GRIA4: variants seen among roughly 807,000 people sequenced by gnomAD.
GRIA4 encodes the protein glutamate ionotropic receptor AMPA type subunit 4, also known as glutamate receptor 4.
In GRIA4, 34 loss-of-function variants were observed where a neutral mutation model predicts 104.0. The ratio of observed to expected loss-of-function variants is 0.33; its 90% CI spans 0.25 to 0.44. GRIA4 has a LOEUF of 0.44. GRIA4 is among the 20% of genes least tolerant of loss of function. The pLI is 1.00. For synonymous variants in GRIA4, 386 were observed against 381.9 expected, an observed-to-expected ratio of 1.01 and a Z score of -0.13; for missense variants, 750 against 1,096.5, an observed-to-expected ratio of 0.68 and a Z score of 4.46.
intron 4 of GRIA4, among the ~76,000 whole-genome samples, chr11:105,845,292 C>G (rs1351304002): frequency 6.6e-6 from 1 of 152,094 alleles, no homozygotes; most frequent in Non-Finnish European, 1.5e-5. Context: ...CTTGGGCTTC[C>G]TTACATCATG....
intron 3 of GRIA4, among the ~76,000 whole-genome samples, chr11:105,717,289 T>A (rs1331208478): frequency 6.6e-6 from 1 of 152,074 alleles, no homozygotes; most frequent in African/African-American, 2.4e-5. Context: ...TCTGTGACTA[T>A]AAATATACCA....
chr11:105,925,866 C>T (rs1464283645), intron 12 of GRIA4, among the ~76,000 whole-genome samples: 1 of 151,992 alleles, frequency 6.6e-6, no homozygotes, highest in African/African-American at 2.4e-5. Flanking sequence ...AAATGTTTTA[C>T]AACAATTTGC....
rs1565341966 is a variant in GRIA4 at position 105,918,935 on chromosome 11, A to C, written c.1476+17A>C. 6.8e-6 allele frequency: 10 copies of C among 1,479,636 alleles called. No individual in the cohort carries two copies. The highest frequency in any genetic ancestry group is 9.5e-6 in the Non-Finnish European group (10 of 1,057,952). The allele number at this position is 1,479,636 out of a possible 1,614,324, so 91.7% of individuals were successfully genotyped here. On this transcript the variant is annotated intron_variant, in intron 11 of 16. Transcript: ENST00000282499. ...GTTTATGGGGTAAGCAAATCAACTT[A>C]TTGAAGAATTTACTTACATACACCT...
chr11:105,821,812 T>A (rs1422599354), intron 4 of GRIA4, among the ~76,000 whole-genome samples: 1 of 152,134 alleles, frequency 6.6e-6, no homozygotes, highest in African/African-American at 2.4e-5. Context: ...GCTAAAAAAA[T>A]TCTTAATACC....
At chr11:105,912,104 A>G (rs1947267684) in intron 10 of GRIA4, 4 of 1,097,478 alleles carry the variant, frequency 3.6e-6, no homozygotes, top group African/African-American at 1.7e-5. Context: ...ATTAATCTTC[A>G]TCTTTCTCAA....
chr11:105,629,141 T>G (rs2135302361), intron 3 of GRIA4, among the ~76,000 whole-genome samples: 1 of 150,704 alleles, frequency 6.6e-6, no homozygotes, highest in African/African-American at 2.4e-5. Context: ...CTCAGGAGGC[T>G]GAGGCAGCAG....
At chr11:105,912,004 G>A in intron 10 of GRIA4, 1 of 1,304,658 alleles carries the variant, frequency 7.7e-7, no homozygotes, top group South Asian at 2.2e-5. Flanking sequence ...TTTTTCATGT[G>A]GGATTCTTCT....
chr11:105,621,702 T>A (rs1031611717), intron 3 of GRIA4, among the ~76,000 whole-genome samples: 2 of 151,816 alleles, frequency 1.3e-5, no homozygotes, highest in Non-Finnish European at 2.9e-5. Flanking sequence ...CCTGAGTGAC[T>A]ATTCCTGCAA....
intron 3 of GRIA4, among the ~76,000 whole-genome samples, chr11:105,628,882 T>G (rs1950958156): frequency 1.3e-5 from 2 of 152,068 alleles, no homozygotes; most frequent in Admixed American, 6.6e-5. Flanking sequence ...GTTGCTAAAA[T>G]AGTATTTTAT....
intron 5 of GRIA4, among the ~76,000 whole-genome samples, chr11:105,866,460 T>TGA (rs1464808687): frequency 6.6e-6 from 1 of 150,560 alleles, no homozygotes; most frequent in Non-Finnish European, 1.5e-5. Flanking sequence ...TGTGTGTGTG[T>TGA]GACACTGCAT....
chr11:105,812,937 T>C (rs887093266), intron 4 of GRIA4, among the ~76,000 whole-genome samples: 2 of 151,680 alleles, frequency 1.3e-5, no homozygotes, highest in Middle Eastern at 3.4e-3. Context: ...CCGTCTCTAC[T>C]AAAAATACAA....
At chr11:105,653,999 CAAAAAAAAAAAAAAAAAAA>C in intron 3 of GRIA4, among the ~76,000 whole-genome samples, 1 of 50,286 alleles carries the variant, frequency 2.0e-5, no homozygotes, top group South Asian at 1.4e-3. Flanking sequence ...ACTATTTAGC[CAAAAAAAAAAAAAAAAAAA>C]AAAAAAAAAG....
At chr11:105,758,021 A>ATC (rs1474889811) in intron 4 of GRIA4, among the ~76,000 whole-genome samples, 1 of 152,052 alleles carries the variant, frequency 6.6e-6, no homozygotes, top group African/African-American at 2.4e-5. Flanking sequence ...AAGTGGGAGG[A>ATC]TCACTCAAGG....
chr11:105,733,733 A>G (rs1938749968), intron 3 of GRIA4, among the ~76,000 whole-genome samples: 1 of 151,910 alleles, frequency 6.6e-6, no homozygotes, highest in Admixed American at 6.6e-5. Context: ...GGATTACAGG[A>G]GTGAGCCACC....
chr11:105,943,348 A>G (rs988149406), intron 14 of GRIA4, among the ~76,000 whole-genome samples: 2 of 152,140 alleles, frequency 1.3e-5, no homozygotes, highest in Admixed American at 6.6e-5. Flanking sequence ...AATCTGACAA[A>G]ATTCATTAGA....
rs369073223 is a variant in GRIA4, at chr11:105,804,471, T to C, written c.487+51251T>C. ...CAGAATCCCCCACTTAACAAGTTTATAAAACTATGCATTGTATTGAAAAAG... is the reference window on the plus strand; with the variant it reads ...CAGAATCCCCCACTTAACAAGTTTACAAAACTATGCATTGTATTGAAAAAG... On this transcript the variant is annotated intron_variant, in intron 4 of 16. Coordinates refer to ENST00000282499, the MANE Select transcript of GRIA4 (RefSeq NM_000829.4). Among the ~76,000 whole-genome samples the C allele has an allele frequency of 6.3e-3, 951 of 151,902 alleles. 5 individuals carry two copies. The highest frequency in any genetic ancestry group is 0.01 in the Non-Finnish European group (696 of 67,852).
At chr11:105,904,957 A>C (rs1428930048) in intron 8 of GRIA4, among the ~76,000 whole-genome samples, 1 of 152,208 alleles carries the variant, frequency 6.6e-6, no homozygotes, top group Non-Finnish European at 1.5e-5. Context: ...GAAACTTTAT[A>C]ATAGTAAAAA....
At chr11:105,835,356 C>T (rs897622195) in intron 4 of GRIA4, among the ~76,000 whole-genome samples, 2 of 151,906 alleles carry the variant, frequency 1.3e-5, no homozygotes, top group African/African-American at 4.8e-5. Context: ...ATAAATTATA[C>T]AAAGGTCGAA....
intron 14 of GRIA4, among the ~76,000 whole-genome samples, chr11:105,957,965 T>A (rs1315341867): frequency 1.3e-5 from 2 of 152,200 alleles, no homozygotes; most frequent in Non-Finnish European, 2.9e-5. Flanking sequence ...TGATTTTGTA[T>A]CCTGAGACTT....
Sources: gnomAD v4.1 joint callset for allele counts (sites outside exome capture counted in the v4.1 genomes callset) on GRCh38, gnomAD v4.1.1 for gene constraint, MANE v1.5 for transcripts, NCBI Gene and HGNC (gene_info 2026-07-23, HGNC 2026-07-21) for gene names.